The following AFAP1L2 variants were observed in gnomAD, a reference collection of about 807,000 sequenced individuals.
AFAP1L2 encodes the protein actin filament associated protein 1 like 2, also known as actin filament-associated protein 1-like 2.
AFAP1L2 carries 46 observed loss-of-function variants against 99.3 expected under a neutral mutation model. The ratio of observed to expected loss-of-function variants is 0.46; its 90% CI spans 0.37 to 0.59. The LOEUF (loss-of-function observed/expected upper bound fraction) is 0.59, where lower values mean the gene tolerates loss of function less well. Ranked by LOEUF, AFAP1L2 falls within the 20% of genes least tolerant of loss-of-function variation. AFAP1L2 has a pLI of 0.00. For synonymous variants in AFAP1L2, 397 were observed against 419.1 expected, an observed-to-expected ratio of 0.95 and a Z score of 0.64; for missense variants, 959 against 1,034.9, an observed-to-expected ratio of 0.93 and a Z score of 1.01.
At chr10:114,335,248 C>T (rs554619456) in intron 2 of AFAP1L2, among the ~76,000 whole-genome samples, 1 of 152,086 alleles carries the variant, frequency 6.6e-6, no homozygotes, top group South Asian at 2.1e-4. Context: ...CAGATAAACT[C>T]TAGCATTTAA....
rs1327566896 is a variant in AFAP1L2, at chr10:114,302,246, G to A, written c.1430+93C>T. On this transcript the variant is annotated intron_variant, in intron 12 of 18. Transcript: ENST00000304129. ...GCTGGGCAGAGTGGGGTGGGACCCT[G>A]TGCTCCCTGCTGCCCCTGACTCTGG... 2.0e-5 allele frequency: 31 copies of A among 1,543,794 alleles called. No homozygotes were observed. The South Asian group carries it at 3.5e-4, about 17-fold the overall frequency.
chr10:114,360,512 G>GT (rs2052163155), intron 1 of AFAP1L2, among the ~76,000 whole-genome samples: 2 of 80,218 alleles, frequency 2.5e-5, no homozygotes, highest in Non-Finnish European at 5.8e-5. Context: ...TAGATAGTTA[G>GT]ATAGATAGAT....
At chr10:114,362,100 T>C (rs1348848026) in intron 1 of AFAP1L2, among the ~76,000 whole-genome samples, 1 of 152,234 alleles carries the variant, frequency 6.6e-6, no homozygotes, top group African/African-American at 2.4e-5. Context: ...ATCGCTTCTT[T>C]GAGCCTTGGT....
At chr10:114,304,572 T>G in intron 11 of AFAP1L2, 147 bp downstream of exon 11, 1 of 901,038 alleles carries the variant, frequency 1.1e-6, no homozygotes, top group Admixed American at 2.9e-5. Flanking sequence ...TTTTTAAAAA[T>G]GCAAACAATC....
At position 114,390,881 on chromosome 10, in the gene AFAP1L2, T is replaced by C. The variant is rs145789255; in HGVS notation, c.16+13559A>G. On this transcript the variant is annotated intron_variant, in intron 1 of 18. Transcript: ENST00000304129. ...CCAGTCTACTGGGTGGTGGTTTTGG[T>C]TGACCTGCCTCTGATGACTAAAGAA... Among the ~76,000 whole-genome samples the C allele has an allele frequency of 1.7e-3, 264 of 152,344 alleles. 1 individual carries two copies. The highest frequency in any genetic ancestry group is 2.7e-3 in the Non-Finnish European group (181 of 68,034).
chr10:114,400,381 T>C (rs1451537824), intron 1 of AFAP1L2, among the ~76,000 whole-genome samples: 1 of 152,130 alleles, frequency 6.6e-6, no homozygotes, highest in Non-Finnish European at 1.5e-5. Context: ...TTCAGACCAT[T>C]TCATTGCCAC....
chr10:114,329,575 AGAAC>A (rs1481759122), intron 4 of AFAP1L2, among the ~76,000 whole-genome samples: 5 of 152,188 alleles, frequency 3.3e-5, no homozygotes, highest in Non-Finnish European at 7.4e-5. Context: ...GCCGTGGCTC[AGAAC>A]AGCCACCTTT....
At chr10:114,301,889 C>T (rs371231751) in intron 12 of AFAP1L2, 8 of 255,200 alleles carry the variant, frequency 3.1e-5, no homozygotes, top group East Asian at 1.8e-4. Context: ...GTGGCTCAGC[C>T]GGCTTCCACG....
intron 13 of AFAP1L2, 64 bp downstream of exon 13, chr10:114,301,289 AG>A (rs1359263087): frequency 3.0e-6 from 4 of 1,316,354 alleles, no homozygotes; most frequent in Non-Finnish European, 4.4e-6. Flanking sequence ...TCTGGCATCC[AG>A]GTGTTGAGGT....
the AFAP1L2 span, among the ~76,000 whole-genome samples, chr10:114,287,459 G>A: frequency 6.6e-6 from 1 of 152,222 alleles, no homozygotes; most frequent in Non-Finnish European, 1.5e-5. Context: ...GGGATTACAG[G>A]CTTGAGTGAA....
At chr10:114,332,055 C>G (rs1390634392) in intron 3 of AFAP1L2, among the ~76,000 whole-genome samples, 158 bp from the exon 4 acceptor site, 1 of 152,132 alleles carries the variant, frequency 6.6e-6, no homozygotes, top group Non-Finnish European at 1.5e-5. Flanking sequence ...GTTGTTTTTC[C>G]TCCCTGCAGT....
intron 1 of AFAP1L2, among the ~76,000 whole-genome samples, chr10:114,371,589 C>A (rs953030208): frequency 2.0e-5 from 3 of 151,796 alleles, no homozygotes; most frequent in Non-Finnish European, 4.4e-5. Flanking sequence ...CATGTTCTCA[C>A]TCATAAGTGG....
intron 4 of AFAP1L2, among the ~76,000 whole-genome samples, chr10:114,331,507 G>GGCC (rs2047227156): frequency 6.6e-6 from 1 of 152,188 alleles, no homozygotes; most frequent in Non-Finnish European, 1.5e-5. Flanking sequence ...GGTGACCACA[G>GGCC]CTGTTCATGG....
chr10:114,380,183 C>A (rs2055420425), intron 1 of AFAP1L2, among the ~76,000 whole-genome samples: 1 of 152,198 alleles, frequency 6.6e-6, no homozygotes, highest in Non-Finnish European at 1.5e-5. Flanking sequence ...CAAGACTCAC[C>A]ACAGTCCTTC....
intron 1 of AFAP1L2, among the ~76,000 whole-genome samples, chr10:114,399,337 G>C (rs2058032187): frequency 6.6e-6 from 1 of 152,188 alleles, no homozygotes; most frequent in Admixed American, 6.5e-5. Flanking sequence ...GGGAGTCAGG[G>C]GAGGCTTCCT....
chr10:114,403,287 A>G (rs1256521434), intron 1 of AFAP1L2, among the ~76,000 whole-genome samples: 2 of 152,210 alleles, frequency 1.3e-5, no homozygotes, highest in Non-Finnish European at 2.9e-5. Flanking sequence ...TGCCTTCACC[A>G]GTAACCAGGC....
chr10:114,297,437 T>G, intron 16 of AFAP1L2, 24 bp from the exon 17 acceptor site: 1 of 1,606,496 alleles, frequency 6.2e-7, no homozygotes. Context: ...TATGCAGGTG[T>G]CAGAGAACAG....
intron 1 of AFAP1L2, among the ~76,000 whole-genome samples, chr10:114,364,229 A>C (rs2052876192): frequency 6.6e-6 from 1 of 152,080 alleles, no homozygotes; most frequent in Non-Finnish European, 1.5e-5. Flanking sequence ...CCTGGCAGTC[A>C]CCCCTCATGT....
chr10:114,340,286 C>A (rs979517915), intron 2 of AFAP1L2, among the ~76,000 whole-genome samples: 1 of 152,162 alleles, frequency 6.6e-6, no homozygotes, highest in African/African-American at 2.4e-5. Context: ...CGCCACTGCA[C>A]TCCAGACTGG....
Sources: allele counts gnomAD v4.1 joint callset (sites outside exome capture counted in the v4.1 genomes callset), GRCh38; gene constraint gnomAD v4.1.1; transcripts MANE v1.5; gene names NCBI Gene and HGNC (gene_info 2026-07-23, HGNC 2026-07-21).